ARHGEF6: variants seen among roughly 807,000 people sequenced by gnomAD.
ARHGEF6 encodes the protein rho guanine nucleotide exchange factor 6.
ARHGEF6 carries 9 observed loss-of-function variants against 70.3 expected under a neutral mutation model. That is an observed-to-expected ratio of 0.13 (90% CI 0.08 to 0.22). The LOEUF is 0.22. ARHGEF6 is among the 10% of genes least tolerant of loss of function. The probability of loss-of-function intolerance (pLI) is 1.00; values close to 1 mark genes in which losing one functional copy is unlikely to be tolerated. For synonymous variants in ARHGEF6, 201 were observed against 207.8 expected, an observed-to-expected ratio of 0.97 and a Z score of 0.28; for missense variants, 470 against 563.0, an observed-to-expected ratio of 0.83 and a Z score of 1.67.
At position 136,690,705 on chromosome X, in the gene ARHGEF6, G is replaced by C; in HGVS notation, c.1090C>G (p.Pro364Ala). ...QFMENQGASS[P>A]GILILTTNLS... ...TTTGTTGTTAAAATGAGGATACCTG[G>C]GCTCGATGCACCTTGATTTTCCATG... The change falls in exon 10 of 22, where the codon CCA becomes GCA. Residue 364 changes from proline (P) to alanine (A), a missense_variant. By Grantham distance (27) the Pro-to-Ala change is conservative. Coordinates refer to ENST00000250617, the MANE Select transcript of ARHGEF6 (RefSeq NM_004840.3). The C allele has an allele frequency of 8.3e-7, 1 of 1,210,234 alleles. No individual in the cohort carries two copies. Among genetic ancestry groups the C allele is most frequent in the South Asian group, 1.8e-5 (1 of 56,893 alleles).
At chrX:136,751,139 G>A (rs1219953337) in intron 2 of ARHGEF6, among the ~76,000 whole-genome samples, 1 of 111,478 alleles carries the variant, frequency 9.0e-6, no homozygotes, top group African/African-American at 3.3e-5. Context: ...GCCCAGCCCA[G>A]ACATTTAATT....
In ARHGEF6 at chrX:136,705,440, T is replaced by C. The variant is rs143117242; in HGVS notation, c.1046+1468A>G. Among the ~76,000 whole-genome samples, 431 of 111,956 alleles carry C rather than the reference T, an allele frequency of 3.8e-3. 4 individuals are homozygous for C. The highest frequency in any genetic ancestry group is 0.013 in the African/African-American group (414 of 30,848). On this transcript the variant is annotated intron_variant, in intron 9 of 21. Coordinates refer to ENST00000250617, the MANE Select transcript of ARHGEF6 (RefSeq NM_004840.3). ...TACATTATTCTTTCTGTGGATAAAA[T>C]ATATGTCTTAATAAAAATATTTTTT...
In ARHGEF6 at chrX:136,667,976, G is replaced by C. The variant is rs993664017; in HGVS notation, c.*53C>G. Reference sequence around the variant, plus strand: ...AGCAAACTGAGTCAAATCATTCAGCGGGACATTTCAAGATGCCCTGAAGGC... The same window carrying C: ...AGCAAACTGAGTCAAATCATTCAGCCGGACATTTCAAGATGCCCTGAAGGC... On this transcript the variant is annotated 3_prime_UTR_variant, in exon 22 of 22. Coordinates refer to ENST00000250617, the MANE Select transcript of ARHGEF6 (RefSeq NM_004840.3). 8.3e-7 allele frequency: 1 copy of C among 1,198,970 alleles called. No homozygotes were observed. The highest frequency in any genetic ancestry group is 2.2e-5 in the Admixed American group (1 of 46,038).
rs2076346177 is a variant in ARHGEF6, at chrX:136,682,854, A to G, written c.1393-10T>C. 8.7e-7 allele frequency: 1 copy of G among 1,155,281 alleles called. No individual in the cohort carries two copies. Among genetic ancestry groups the G allele is most frequent in the African/African-American group, 1.8e-5 (1 of 56,268 alleles). The stretch of plus-strand genomic sequence containing the variant: ...ACCGCTCCTCTTTTTCCTGAGAGGG[A>G]ATGAAAATAATACATGAAGAACAGA... On this transcript the variant is annotated splice_polypyrimidine_tract_variant and intron_variant, in intron 12 of 21. Coordinates refer to ENST00000250617, the MANE Select transcript of ARHGEF6 (RefSeq NM_004840.3).
chrX:136,720,431 A>G (rs1226579281), intron 6 of ARHGEF6, among the ~76,000 whole-genome samples: 1 of 111,049 alleles, frequency 9.0e-6, no homozygotes, highest in East Asian at 2.8e-4. Context: ...GACAATATAC[A>G]ACATCCATTC....
chrX:136,716,638 AAC>A (rs1425659790), intron 6 of ARHGEF6, among the ~76,000 whole-genome samples: 9 of 112,429 alleles, frequency 8.0e-5, no homozygotes, highest in Non-Finnish European at 1.3e-4. Context: ...TAAGTCAGGT[AAC>A]ACAGGAATGT....
chrX:136,737,135 C>A (rs1402150218), intron 5 of ARHGEF6, among the ~76,000 whole-genome samples: 2 of 111,708 alleles, frequency 1.8e-5, no homozygotes, highest in Non-Finnish European at 3.8e-5. Flanking sequence ...TAGTTCCATG[C>A]CTGATTGAAC....
intron 5 of ARHGEF6, among the ~76,000 whole-genome samples, chrX:136,740,172 C>A (rs1459476581): frequency 9.0e-6 from 1 of 111,057 alleles, no homozygotes; most frequent in East Asian, 2.8e-4. Flanking sequence ...CCATGCCCAG[C>A]TAATTTTTGT....
At chrX:136,729,248 A>T (rs1569411957) in intron 6 of ARHGEF6, among the ~76,000 whole-genome samples, 2 of 106,140 alleles carry the variant, frequency 1.9e-5, no homozygotes, top group Non-Finnish European at 3.9e-5. Flanking sequence ...CGGGAGAACC[A>T]CCTGAGGTCA....
intron 5 of ARHGEF6, among the ~76,000 whole-genome samples, chrX:136,736,567 A>G (rs1427500048): frequency 9.0e-6 from 1 of 110,578 alleles, no homozygotes; most frequent in Non-Finnish European, 1.9e-5. Flanking sequence ...TTTTATCATC[A>G]TGGTCACAAA....
At chrX:136,686,645 C>T (rs1473495670) in intron 11 of ARHGEF6, among the ~76,000 whole-genome samples, 10 of 66,765 alleles carry the variant, frequency 1.5e-4, no homozygotes, top group South Asian at 1.2e-3. Flanking sequence ...TATATATACA[C>T]ACATATATAT....
At chrX:136,777,422 TA>T (rs56694000) in intron 2 of ARHGEF6, among the ~76,000 whole-genome samples, 5 of 103,354 alleles carry the variant, frequency 4.8e-5, no homozygotes, top group African/African-American at 1.1e-4. Flanking sequence ...TGGCCACAAT[TA>T]AAAAAAAAAC....
chrX:136,668,612 C>T (rs1310024063), intron 21 of ARHGEF6, among the ~76,000 whole-genome samples: 2 of 108,096 alleles, frequency 1.9e-5, no homozygotes, highest in Non-Finnish European at 3.8e-5. Context: ...GCAGTGTAAT[C>T]ATGGCTCACT....
At chrX:136,750,167 G>A (rs1012129886) in intron 2 of ARHGEF6, among the ~76,000 whole-genome samples, 2 of 111,695 alleles carry the variant, frequency 1.8e-5, no homozygotes, top group Admixed American at 9.5e-5. Flanking sequence ...GAGGGTGTGA[G>A]AAGAACAAGG....
Position 136,677,922 on chromosome X carries a change from T to C in ARHGEF6, c.1851+14A>G. 8.4e-7 allele frequency: 1 copy of C among 1,190,013 alleles called. No individual in the cohort carries two copies. On this transcript the variant is annotated intron_variant, in intron 17 of 21. Transcript: ENST00000250617. ...TGATGTCACTGTAAGCCAAAGATAT[T>C]GTACTACCCTTACCTTTAAGATATA... is the stretch of plus-strand genomic sequence containing the variant.
chrX:136,723,707 C>T (rs1040876055), intron 6 of ARHGEF6, among the ~76,000 whole-genome samples: 1 of 110,829 alleles, frequency 9.0e-6, no homozygotes, highest in Non-Finnish European at 1.9e-5. Flanking sequence ...GCAGATCACT[C>T]GAGGCCAGGA....
At chrX:136,684,434 AG>A (rs1171851932) in intron 12 of ARHGEF6, among the ~76,000 whole-genome samples, 2 of 112,065 alleles carry the variant, frequency 1.8e-5, no homozygotes, top group Non-Finnish European at 3.8e-5. Flanking sequence ...CAGAGAGCGT[AG>A]GAAGATGTTT....
chrX:136,696,281 T>C (rs767762066), intron 9 of ARHGEF6, among the ~76,000 whole-genome samples: 3 of 111,050 alleles, frequency 2.7e-5, no homozygotes, highest in Non-Finnish European at 3.8e-5. Flanking sequence ...ATGAGATTCA[T>C]TGGATGCACT....
Position 136,780,822 on chromosome X carries a change from TAG to T in ARHGEF6, c.59_60del (p.Pro20GlnfsTer6). On this transcript the variant is annotated frameshift_variant, in exon 1 of 22. Coordinates refer to ENST00000250617, the MANE Select transcript of ARHGEF6 (RefSeq NM_004840.3). LOFTEE classifies it high-confidence loss of function. ...WLISLGVLES[P>X]KKTICDPEEF... ...TCCTCCGGATCACAGATGGTCTTTTTAGGGGACTCTAAAACTCCCAAAGATAT... is the reference window on the plus strand; with the variant it reads ...TCCTCCGGATCACAGATGGTCTTTTTGGGACTCTAAAACTCCCAAAGATAT... 8.3e-7 allele frequency: 1 copy of T among 1,211,300 alleles called. No individual in the cohort carries two copies. Among genetic ancestry groups the T allele is most frequent in the Non-Finnish European group, 1.1e-6 (1 of 895,334 alleles).
Sources: gnomAD v4.1 joint callset for allele counts (sites outside exome capture counted in the v4.1 genomes callset) on GRCh38, gnomAD v4.1.1 for gene constraint, MANE v1.5 for transcripts, NCBI Gene and HGNC (gene_info 2026-07-23, HGNC 2026-07-21) for gene names.